Variants in SULT1B1 observed in about 807,000 individuals in gnomAD.
The protein encoded by SULT1B1 is sulfotransferase 1B1.
SULT1B1 carries 28 observed loss-of-function variants against 34.6 expected under a neutral mutation model. The observed-to-expected ratio is 0.81, with a 90% CI of 0.60 to 1.11. The LOEUF (loss-of-function observed/expected upper bound fraction) is 1.11. Among genes scored for constraint, SULT1B1 ranks in the 50% least tolerant of loss-of-function variants. The pLI is 0.00. For synonymous variants in SULT1B1, 147 were observed against 110.2 expected, an observed-to-expected ratio of 1.33 and a Z score of -2.09; for missense variants, 374 against 352.2, an observed-to-expected ratio of 1.06 and a Z score of -0.50.
intron 4 of SULT1B1, among the ~76,000 whole-genome samples, chr4:69,742,356 T>A (rs973350708): frequency 1.3e-5 from 2 of 152,186 alleles, no homozygotes; most frequent in Non-Finnish European, 2.9e-5. Context: ...CTTCCAGGTT[T>A]TGGTATGAGA....
At chr4:69,730,733 A>T in intron 6 of SULT1B1, 52 bp from the exon 7 acceptor site, 1 of 1,479,422 alleles carries the variant, frequency 6.8e-7, no homozygotes. Context: ...CACAATGTGA[A>T]TATTTATAAA....
intron 6 of SULT1B1, among the ~76,000 whole-genome samples, chr4:69,731,450 G>A (rs980706180): frequency 8.5e-5 from 13 of 152,174 alleles, no homozygotes; most frequent in Non-Finnish European, 1.6e-4. Flanking sequence ...AAAATGCTGG[G>A]AACATCTGTG....
At chr4:69,754,879 T>C in intron 2 of SULT1B1, 81 bp from the exon 3 acceptor site, 2 of 1,473,356 alleles carry the variant, frequency 1.4e-6, no homozygotes, top group Admixed American at 2.0e-5. Context: ...AACACTACCA[T>C]CTTAACACAT....
At chr4:69,735,401 C>G (rs1213117971) in intron 4 of SULT1B1, among the ~76,000 whole-genome samples, 1 of 152,196 alleles carries the variant, frequency 6.6e-6, no homozygotes, top group Non-Finnish European at 1.5e-5. Context: ...GTGGAGAATT[C>G]CAAACTCTGC....
chr4:69,757,253 A>G (rs1275486838), intron 1 of SULT1B1, among the ~76,000 whole-genome samples: 5 of 152,170 alleles, frequency 3.3e-5, no homozygotes. Flanking sequence ...AACATATAAC[A>G]TGTTTACTAT....
intron 4 of SULT1B1, among the ~76,000 whole-genome samples, chr4:69,736,568 T>C (rs1718321267): frequency 1.3e-5 from 2 of 151,460 alleles, no homozygotes. Flanking sequence ...AATATATATA[T>C]ACATATGGTA....
chr4:69,755,277 G>A lies in SULT1B1; in HGVS notation c.-44-16C>T. On this transcript the variant is annotated splice_polypyrimidine_tract_variant and intron_variant, in intron 1 of 7. Transcript: ENST00000310613. Reference sequence around the variant, plus strand: ...GACAGTTGTTCTGGAGAAATATAGAGAATAAAAATCAGAATCTGAGTAACT... The same window carrying A: ...GACAGTTGTTCTGGAGAAATATAGAAAATAAAAATCAGAATCTGAGTAACT... 1.3e-6 allele frequency: 2 copies of A among 1,560,094 alleles called. No individual in the cohort carries two copies. Among genetic ancestry groups the A allele is most frequent in the South Asian group, 1.1e-5 (1 of 87,730 alleles).
At chr4:69,733,226 AAAAT>A (rs1718152767) in intron 6 of SULT1B1, among the ~76,000 whole-genome samples, 183 bp downstream of exon 6, 1 of 152,184 alleles carries the variant, frequency 6.6e-6, no homozygotes. Flanking sequence ...AAGAGGAATA[AAAAT>A]AAATAATTCT....
chr4:69,751,904 T>C (rs1432604579), intron 3 of SULT1B1, among the ~76,000 whole-genome samples: 1 of 152,222 alleles, frequency 6.6e-6, no homozygotes, highest in East Asian at 1.9e-4. Context: ...ACTTTGGTTC[T>C]GTCACTTTTT....
In SULT1B1 at chr4:69,722,154, C is replaced by T. The variant is rs184301584; in HGVS notation, c.*4934G>A. 2 of 152,178 alleles carry T rather than the reference C, an allele frequency of 1.3e-5. No individual in the cohort carries two copies. Among genetic ancestry groups the T allele is most frequent in the East Asian group, 1.9e-4 (1 of 5,176 alleles). The allele number at this position is 152,178 out of a possible 1,614,324, so 9.4% of individuals were successfully genotyped here. On this transcript the variant is annotated 3_prime_UTR_variant, in exon 8 of 8. Coordinates refer to ENST00000310613, the MANE Select transcript of SULT1B1 (RefSeq NM_014465.4). ...TAAAAAGTAAAGGAAAATCTAAATT[C>T]TATTTTTATCTCCACTCTTCACTCA...
Position 69,749,767 on chromosome 4 carries a change from A to G in SULT1B1, c.329T>C (p.Leu110Pro). ...NPSPRIVKTH[L>P]PTDLLPKSFW... ...AGATTTAGGAAGAAGATCAGTCGGTAGATGTGTTTTCACAATCCGGGGTGA... is the reference window on the plus strand; with the variant it reads ...AGATTTAGGAAGAAGATCAGTCGGTGGATGTGTTTTCACAATCCGGGGTGA... Residue 110 changes from leucine to proline, a missense_variant, in exon 4 of 8, where the codon CTA becomes CCA. Physicochemically the swap from Leu to Pro is moderately conservative, Grantham distance 98 (BLOSUM62 -3). Coordinates refer to ENST00000310613, the MANE Select transcript of SULT1B1 (RefSeq NM_014465.4). 1 of 1,613,700 alleles carries G rather than the reference A, an allele frequency of 6.2e-7. No homozygotes were observed. The highest frequency in any genetic ancestry group is 8.5e-7 in the Non-Finnish European group (1 of 1,179,694).
rs1427580889 is a variant in SULT1B1 at position 69,755,407 on chromosome 4, G to C, written c.-44-146C>G. The stretch of plus-strand genomic sequence containing the variant: ...CAAAGGGCATATTTTGTGGGCATTA[G>C]GTGCAGTAGATTGCAAGAGCAGTAA... On this transcript the variant is annotated intron_variant, in intron 1 of 7. Coordinates refer to ENST00000310613, the MANE Select transcript of SULT1B1 (RefSeq NM_014465.4). 16 of 564,704 alleles carry C rather than the reference G, an allele frequency of 2.8e-5. No individual in the cohort carries two copies. In the East Asian group the frequency reaches 4.3e-4, roughly 15 times the overall value. The allele number at this position is 564,704 out of a possible 1,614,324, so 35.0% of individuals were successfully genotyped here. A position where few individuals can be genotyped will look rare whatever the true frequency, so the allele number is the denominator to read the frequency against.
chr4:69,730,472 A>G, intron 7 of SULT1B1, 29 bp downstream of exon 7: 1 of 1,572,650 alleles, frequency 6.4e-7, no homozygotes, highest in Non-Finnish European at 8.7e-7. Flanking sequence ...AAAGTACGAA[A>G]GGGAAATTAA....
intron 4 of SULT1B1, among the ~76,000 whole-genome samples, chr4:69,737,673 A>G (rs1320808290): frequency 6.6e-6 from 1 of 152,170 alleles, no homozygotes; most frequent in Non-Finnish European, 1.5e-5. Flanking sequence ...ATTTATGGCA[A>G]TAGCTAAAGC....
intron 4 of SULT1B1, among the ~76,000 whole-genome samples, chr4:69,739,821 T>G (rs539263759): frequency 6.6e-6 from 1 of 152,172 alleles, no homozygotes; most frequent in African/African-American, 2.4e-5. Flanking sequence ...ACTTAGAAAT[T>G]TCAAAGTTCT....
At chr4:69,743,663 G>A (rs547637898) in intron 4 of SULT1B1, among the ~76,000 whole-genome samples, 11 of 152,330 alleles carry the variant, frequency 7.2e-5, no homozygotes, top group Admixed American at 7.2e-4. Flanking sequence ...CAGTCCCTCG[G>A]CTTTCCTCCT....
At chr4:69,729,703 A>G (rs1043037606) in intron 7 of SULT1B1, among the ~76,000 whole-genome samples, 2 of 152,104 alleles carry the variant, frequency 1.3e-5, no homozygotes, top group African/African-American at 4.8e-5. Context: ...GTTAATATGC[A>G]TAATACATTC....
At chr4:69,738,697 A>T (rs988338972) in intron 4 of SULT1B1, among the ~76,000 whole-genome samples, 1 of 152,190 alleles carries the variant, frequency 6.6e-6, no homozygotes, top group African/African-American at 2.4e-5. Flanking sequence ...AAACACAATT[A>T]TGTGCTTCCA....
chr4:69,753,534 T>C (rs1019497588), intron 3 of SULT1B1, among the ~76,000 whole-genome samples: 1 of 152,222 alleles, frequency 6.6e-6, no homozygotes, highest in African/African-American at 2.4e-5. Context: ...TAATTTCCAA[T>C]TGTTTTGCAT....
Sources: gnomAD v4.1 joint callset for allele counts (sites outside exome capture counted in the v4.1 genomes callset) on GRCh38, gnomAD v4.1.1 for gene constraint, MANE v1.5 for transcripts, NCBI Gene and HGNC (gene_info 2026-07-23, HGNC 2026-07-21) for gene names.